MX1: variants seen among roughly 807,000 people sequenced by gnomAD.
MX1 encodes interferon-induced GTP-binding protein Mx1.
In MX1, 66 loss-of-function variants were observed where a neutral mutation model predicts 66.4. The ratio of observed to expected loss-of-function variants is 0.99; its 90% CI spans 0.82 to 1.22. The LOEUF is 1.22. MX1 is among the 50% of genes most tolerant of loss of function. The pLI is 0.00. For missense variants in MX1, 787 were observed against 834.3 expected (o/e 0.94, Z 0.70); for synonymous variants, 311 against 318.1 (o/e 0.98, Z 0.24).
chr21:41,428,846 A>C (rs1206023166), intron 3 of MX1: 2 of 152,238 alleles, frequency 1.3e-5, no homozygotes, highest in Non-Finnish European at 2.9e-5. Context: ...TTGAGACATT[A>C]GGGTCACAAG....
chr21:41,430,955 A>C (rs1601471208), intron 4 of MX1, among the ~76,000 whole-genome samples: 1 of 152,356 alleles, frequency 6.6e-6, no homozygotes, highest in Non-Finnish European at 1.5e-5. Flanking sequence ...AAATTACCGT[A>C]ATATTTGGAT....
rs774584161 is a variant in MX1 at position 41,440,925 on chromosome 21, G to A, written c.630G>A (p.Glu210=). The part of the protein sequence containing the change: ...TLIKKYIQRQ[E]TISLVVVPSN... ...TCAAGAAGTACATCCAGAGGCAGGA[G>A]ACAATCAGCCTGGTGGTGGTCCCCA... is the stretch of plus-strand genomic sequence containing the variant. The change falls in exon 9 of 17, where the codon GAG becomes GAA. Residue 210 remains glutamate (E), a synonymous_variant. Coordinates refer to ENST00000398598, the MANE Select transcript of MX1 (RefSeq NM_002462.5). The A allele has an allele frequency of 2.5e-6, 4 of 1,614,218 alleles. No individual in the cohort carries two copies. Among genetic ancestry groups the A allele is most frequent in the Non-Finnish European group, 3.4e-6 (4 of 1,180,036 alleles).
intron 13 of MX1, among the ~76,000 whole-genome samples, chr21:41,446,627 A>G (rs570183078): frequency 6.6e-6 from 1 of 152,072 alleles, no homozygotes; most frequent in East Asian, 1.9e-4. Context: ...CTGGAAAAAA[A>G]TGGTGCTGAT....
At chr21:41,445,852 C>G (rs935097016) in intron 12 of MX1, 148 bp from the exon 13 acceptor site, 118 of 1,079,578 alleles carry the variant, frequency 1.1e-4, no homozygotes, top group Non-Finnish European at 1.4e-4. Flanking sequence ...TTTTCTAGTG[C>G]CAAAACCTCT....
At chr21:41,425,127 A>T (rs1403817551), upstream of MX1, among the ~76,000 whole-genome samples, 2 of 152,142 alleles carry the variant, frequency 1.3e-5, no homozygotes, top group East Asian at 3.8e-4. Flanking sequence ...CTAAATGTTA[A>T]CTGTTTTCAT....
Position 41,437,061 on chromosome 21 carries a change from G to C in MX1, c.345G>C (p.Val115=). Reference sequence around the variant, plus strand: ...TGGTGCTGAAACTGAAGAAACTTGTGAACGAAGATAAGTGGAGAGGCAAGG... The same window carrying C: ...TGGTGCTGAAACTGAAGAAACTTGTCAACGAAGATAAGTGGAGAGGCAAGG... The part of the protein sequence containing the change: ...CPLVLKLKKL[V]NEDKWRGKVS... The change falls in exon 7 of 17, where the codon GTG becomes GTC. Residue 115 remains valine (V), a synonymous_variant. Coordinates refer to ENST00000398598, the MANE Select transcript of MX1 (RefSeq NM_002462.5). 6.2e-7 allele frequency: 1 copy of C among 1,613,980 alleles called. No homozygotes were observed. Among genetic ancestry groups the C allele is most frequent in the Non-Finnish European group, 8.5e-7 (1 of 1,179,892 alleles).
intron 5 of MX1, among the ~76,000 whole-genome samples, chr21:41,435,566 C>G (rs2090334589): frequency 6.6e-6 from 1 of 152,194 alleles, no homozygotes; most frequent in Non-Finnish European, 1.5e-5. Flanking sequence ...GAAGGCATCT[C>G]TTCACAAGGT....
rs746903168 is a variant in MX1, at chr21:41,445,435, C to A, written c.1009-13C>A. On this transcript the variant is annotated splice_polypyrimidine_tract_variant and intron_variant, in intron 11 of 16. Coordinates refer to ENST00000398598, the MANE Select transcript of MX1 (RefSeq NM_002462.5). ...TTTACACATTTCCATTATTTTCTCTCCATTTTCCTCAGAAATCTCTGCCCC... is the reference window on the plus strand; with the variant it reads ...TTTACACATTTCCATTATTTTCTCTACATTTTCCTCAGAAATCTCTGCCCC... The A allele has an allele frequency of 6.2e-7, 1 of 1,613,442 alleles. No individual in the cohort carries two copies. Among genetic ancestry groups the A allele is most frequent in the African/African-American group, 1.3e-5 (1 of 74,842 alleles).
rs140570072 is a variant in MX1 at position 41,458,541 on chromosome 21, G to A, written c.1772G>A (p.Arg591His). 181 of 1,569,666 alleles carry A rather than the reference G, an allele frequency of 1.2e-4. No homozygotes were observed. The highest frequency in any genetic ancestry group is 1.3e-4 in the Non-Finnish European group (148 of 1,157,206). ...LMAYHQEASKRISSHIPLIIQ... is the reference protein window; with the variant it reads ...LMAYHQEASKHISSHIPLIIQ... ...CTTTCCTTCCAGGAGGCCAGCAAGC[G>A]CATCTCCAGCCACATCCCTTTGATC... Residue 591 changes from arginine to histidine, a missense_variant, in exon 17 of 17, where the codon CGC becomes CAC. Arg to His is a conservative substitution (Grantham distance 29, BLOSUM62 0). Coordinates refer to ENST00000398598, the MANE Select transcript of MX1 (RefSeq NM_002462.5).
upstream of MX1, chr21:41,422,094 G>A (rs962482081): frequency 2.0e-5 from 3 of 152,164 alleles, no homozygotes; most frequent in Admixed American, 6.5e-5. Context: ...ATTCCCAGAC[G>A]GGTAAGGCAT....
chr21:41,436,236 A>G (rs2090358824), intron 6 of MX1, among the ~76,000 whole-genome samples: 1 of 152,142 alleles, frequency 6.6e-6, no homozygotes, highest in African/African-American at 2.4e-5. Context: ...CCTTCCACAC[A>G]CAAGCATCTC....
chr21:41,442,593 T>C (rs1568983823), intron 10 of MX1: 1 of 152,244 alleles, frequency 6.6e-6, no homozygotes, highest in Non-Finnish European at 1.5e-5. Context: ...TAAACATTCT[T>C]ACATTCAGTT....
intron 12 of MX1, 127 bp downstream of exon 12, chr21:41,445,697 C>T: frequency 7.5e-7 from 1 of 1,334,988 alleles, no homozygotes. Context: ...CCGTAGCACT[C>T]AAAGGGTGGA....
At chr21:41,423,602 G>A (rs1288123388), upstream of MX1, among the ~76,000 whole-genome samples, 1 of 152,186 alleles carries the variant, frequency 6.6e-6, no homozygotes, top group South Asian at 2.1e-4. Flanking sequence ...CACCTTCCCA[G>A]CTAGGCTTAG....
At chr21:41,424,581 G>A (rs574328388), upstream of MX1, among the ~76,000 whole-genome samples, 6 of 152,156 alleles carry the variant, frequency 3.9e-5, no homozygotes, top group Non-Finnish European at 8.8e-5. Flanking sequence ...TGTGAGCTGA[G>A]CTAAGGAGAA....
At chr21:41,457,659 C>G (rs534764302) in intron 16 of MX1, among the ~76,000 whole-genome samples, 1 of 152,306 alleles carries the variant, frequency 6.6e-6, no homozygotes, top group African/African-American at 2.4e-5. Flanking sequence ...AGCACCCCCA[C>G]ATCACCCTCA....
intron 14 of MX1, among the ~76,000 whole-genome samples, chr21:41,449,981 C>T (rs1474863912): frequency 1.3e-5 from 2 of 152,158 alleles, no homozygotes; most frequent in Non-Finnish European, 2.9e-5. Flanking sequence ...AGGGGCCCAC[C>T]AGGCATCATC....
chr21:41,443,694 C>T (rs2090579452), intron 10 of MX1, 94 bp from the exon 11 acceptor site: 4 of 1,130,494 alleles, frequency 3.5e-6, no homozygotes, highest in African/African-American at 3.1e-5. Context: ...TTGTAAGCAA[C>T]TGAAATTTGC....
rs2090455340 is a variant in MX1 at position 41,439,791 on chromosome 21, C to T, written c.534C>T (p.Asp178=). The change falls in exon 8 of 17, where the codon GAC becomes GAT. Residue 178 remains aspartate, a synonymous_variant. Transcript: ENST00000398598. The stretch of plus-strand genomic sequence containing the variant: ...ATGTCCCGGATCTGACTCTAATAGA[C>T]CTTCCTGGCATAACCAGAGTGGCTG... ...SRDVPDLTLI[D]LPGITRVAVG... is the part of the protein sequence containing the mutation. 1 of 1,613,912 alleles carries T rather than the reference C, an allele frequency of 6.2e-7. No individual in the cohort carries two copies. Among genetic ancestry groups the T allele is most frequent in the African/African-American group, 1.3e-5 (1 of 74,868 alleles).
Sources: gnomAD v4.1 joint callset for allele counts (sites outside exome capture counted in the v4.1 genomes callset) on GRCh38, gnomAD v4.1.1 for gene constraint, MANE v1.5 for transcripts, NCBI Gene and HGNC (gene_info 2026-07-23, HGNC 2026-07-21) for gene names.